CTXN2: variants seen among roughly 807,000 people sequenced by gnomAD.
CTXN2 encodes cortexin-2.
CTXN2 carries 3 observed loss-of-function variants against 5.7 expected under a neutral mutation model. The observed-to-expected ratio is 0.53, with a 90% CI of 0.24 to 1.36. The LOEUF is 1.36. Ranked by LOEUF, CTXN2 falls within the 40% of genes most tolerant of loss-of-function variation. The probability of loss-of-function intolerance (pLI) is 0.17; values close to 1 mark genes in which losing one functional copy is unlikely to be tolerated. For synonymous variants in CTXN2, 38 were observed against 36.4 expected (o/e 1.04, Z -0.16); for missense variants, 87 against 93.0 (o/e 0.94, Z 0.26).
chr15:48,193,985 C>T (rs1288794161), intron 1 of CTXN2, among the ~76,000 whole-genome samples: 3 of 152,034 alleles, frequency 2.0e-5, no homozygotes, highest in African/African-American at 7.2e-5. Flanking sequence ...CATCTATTTG[C>T]TGAACACATT....
chr15:48,196,513 T>C (rs2040881296), intron 1 of CTXN2, among the ~76,000 whole-genome samples: 1 of 152,106 alleles, frequency 6.6e-6, no homozygotes, highest in Admixed American at 6.6e-5. Context: ...CGATATTTAT[T>C]AGGGTAGTTC....
chr15:48,195,120 T>C (rs2040864582), intron 1 of CTXN2, among the ~76,000 whole-genome samples: 1 of 152,158 alleles, frequency 6.6e-6, no homozygotes, highest in Non-Finnish European at 1.5e-5. Context: ...AGAAATAAAC[T>C]TGTCATTTAC....
chr15:48,183,758 C>A (rs2040721946), intron 1 of CTXN2, among the ~76,000 whole-genome samples: 1 of 152,140 alleles, frequency 6.6e-6, no homozygotes, highest in Non-Finnish European at 1.5e-5. Context: ...GAGTTCCTTG[C>A]AATATCGTTC....
chr15:48,196,891 G>T (rs2040884628), intron 1 of CTXN2, among the ~76,000 whole-genome samples: 1 of 151,828 alleles, frequency 6.6e-6, no homozygotes, highest in African/African-American at 2.4e-5. Flanking sequence ...TTCATGGTCT[G>T]TAATTTCTCA....
At position 48,203,559 on chromosome 15, in the gene CTXN2, C is replaced by A. The variant is rs569415768; in HGVS notation, c.*2013C>A. On this transcript the variant is annotated 3_prime_UTR_variant, in exon 2 of 2. Transcript: ENST00000417307. ...TTTGTCTCCCAGAGAAGACACCCAC[C>A]AAGACCCTCCATTTTGATGACTAGA... 6.0e-6 allele frequency: 1 copy of A among 167,066 alleles called. No homozygotes were observed. The highest frequency in any genetic ancestry group is 2.4e-5 in the African/African-American group (1 of 41,530). The allele number at this position is 167,066 out of a possible 1,614,324, so 10.3% of individuals were successfully genotyped here.
Position 48,201,628 on chromosome 15 carries a change from G to C in CTXN2, c.*82G>C, listed in dbSNP as rs920393696. The C allele has an allele frequency of 7.3e-6, 10 of 1,365,676 alleles. No individual in the cohort carries two copies. The highest frequency in any genetic ancestry group is 1.0e-5 in the Non-Finnish European group (10 of 999,592). The allele number at this position is 1,365,676 out of a possible 1,614,324, so 84.6% of individuals were successfully genotyped here. A position where few individuals can be genotyped will look rare whatever the true frequency, so the allele number is the denominator to read the frequency against. ...TTGTAACTACCTTGAGGGTGTGGGA[G>C]AGAGGCTCATTTTGTTCAGTGAATT... On this transcript the variant is annotated 3_prime_UTR_variant, in exon 2 of 2. Coordinates refer to ENST00000417307, the MANE Select transcript of CTXN2 (RefSeq NM_001145668.2).
chr15:48,190,002 T>C (rs1327301555), upstream of CTXN2: 6 of 152,222 alleles, frequency 3.9e-5, no homozygotes, highest in East Asian at 1.2e-3. Context: ...AGAGACAGGG[T>C]TTCGCCATGT....
chr15:48,201,581 T>C lies in CTXN2; in HGVS notation c.*35T>C. 6.5e-7 allele frequency: 1 copy of C among 1,546,530 alleles called. No individual in the cohort carries two copies. Among genetic ancestry groups the C allele is most frequent in the Non-Finnish European group, 8.7e-7 (1 of 1,143,416 alleles). On this transcript the variant is annotated 3_prime_UTR_variant, in exon 2 of 2. Transcript: ENST00000417307. ...CTATATGGTTTTTATGGTTGTGCCA[T>C]CGGGACACATTCTGGATACAATTGT...
chr15:48,192,017 A>G (rs1662743359), intron 1 of CTXN2, 164 bp downstream of exon 1: 1 of 355,360 alleles, frequency 2.8e-6, no homozygotes, highest in Non-Finnish European at 5.6e-6. Context: ...AGTAGGTCTG[A>G]TAAGTTCAAA....
upstream of CTXN2, among the ~76,000 whole-genome samples, chr15:48,188,651 C>T (rs1048784313): frequency 6.6e-6 from 1 of 152,156 alleles, no homozygotes; most frequent in African/African-American, 2.4e-5. Flanking sequence ...GCTTGAGGAA[C>T]TTCTAAACAA....
At chr15:48,192,631 A>G (rs931584509) in intron 1 of CTXN2, among the ~76,000 whole-genome samples, 1 of 152,088 alleles carries the variant, frequency 6.6e-6, no homozygotes, top group Non-Finnish European at 1.5e-5. Flanking sequence ...GTTTTCTTAT[A>G]TGTCTTATTT....
Position 48,201,683 on chromosome 15 carries a change from C to T in CTXN2, c.*137C>T. On this transcript the variant is annotated 3_prime_UTR_variant, in exon 2 of 2. Coordinates refer to ENST00000417307, the MANE Select transcript of CTXN2 (RefSeq NM_001145668.2). ...AAACATCTGTGACTAATTTCTTCAC[C>T]ATGCTGTGTAAATGATAAACTATTG... is the stretch of plus-strand genomic sequence containing the variant. 1 of 830,086 alleles carries T rather than the reference C, an allele frequency of 1.2e-6. No individual in the cohort carries two copies. 51.4% of individuals were successfully genotyped at this position (830,086 alleles called of 1,614,324 possible).
At chr15:48,194,818 A>G (rs1457267300) in intron 1 of CTXN2, among the ~76,000 whole-genome samples, 1 of 152,116 alleles carries the variant, frequency 6.6e-6, no homozygotes, top group Non-Finnish European at 1.5e-5. Context: ...ACAAGATAAT[A>G]TTTCAAATAT....
At chr15:48,198,570 G>A (rs1338023087) in intron 1 of CTXN2, among the ~76,000 whole-genome samples, 2 of 152,112 alleles carry the variant, frequency 1.3e-5, no homozygotes, top group Non-Finnish European at 2.9e-5. Flanking sequence ...ATATTCTAAA[G>A]TATAAAAGGA....
chr15:48,180,806 G>C (rs752181805), intron 1 of CTXN2, among the ~76,000 whole-genome samples: 2 of 152,192 alleles, frequency 1.3e-5, no homozygotes, highest in Admixed American at 6.5e-5. Flanking sequence ...CAGAGCGCCC[G>C]GCCTTGGTTT....
At chr15:48,179,320 T>C (rs2040664516) in intron 1 of CTXN2, among the ~76,000 whole-genome samples, 1 of 152,030 alleles carries the variant, frequency 6.6e-6, no homozygotes, top group African/African-American at 2.4e-5. Context: ...TAGAAAGTAA[T>C]ACTCAAATAA....
rs2040934750 is a variant in CTXN2 at position 48,202,203 on chromosome 15, C to T, written c.*657C>T. 6.0e-6 allele frequency: 1 copy of T among 167,228 alleles called. No homozygotes were observed. Among genetic ancestry groups the T allele is most frequent in the African/African-American group, 2.4e-5 (1 of 41,410 alleles). The allele number at this position is 167,228 out of a possible 1,614,324, so 10.4% of individuals were successfully genotyped here. On this transcript the variant is annotated 3_prime_UTR_variant, in exon 2 of 2. Coordinates refer to ENST00000417307, the MANE Select transcript of CTXN2 (RefSeq NM_001145668.2). ...CTGCCTCATACTGATGCTCCCTCCC[C>T]TACCCCTTGCATAAATAGAATTTAA...
intron 1 of CTXN2, 111 bp from the exon 2 acceptor site, chr15:48,201,133 T>A (rs905939880): frequency 6.3e-6 from 4 of 632,496 alleles, no homozygotes; most frequent in Non-Finnish European, 1.1e-5. Context: ...CTTTCAAACA[T>A]CTTTTGTGAG....
chr15:48,185,404 T>C (rs1259161488), intron 1 of CTXN2, among the ~76,000 whole-genome samples: 4 of 152,174 alleles, frequency 2.6e-5, no homozygotes, highest in Non-Finnish European at 5.9e-5. Context: ...ATATGGGAAC[T>C]TTCTGTACTC....
Sources: allele counts gnomAD v4.1 joint callset (sites outside exome capture counted in the v4.1 genomes callset), GRCh38; gene constraint gnomAD v4.1.1; transcripts MANE v1.5; gene names NCBI Gene and HGNC (gene_info 2026-07-23, HGNC 2026-07-21).